Variants in PTPRM observed in about 807,000 individuals in gnomAD.
The protein encoded by PTPRM is receptor-type tyrosine-protein phosphatase mu.
In PTPRM, 47 loss-of-function variants were observed where a neutral mutation model predicts 186.7. The observed-to-expected ratio is 0.25, with a 90% CI of 0.20 to 0.32. PTPRM has a LOEUF of 0.32. PTPRM is among the 10% of genes least tolerant of loss of function. The probability of loss-of-function intolerance (pLI) is 1.00; values close to 1 mark genes in which losing one functional copy is unlikely to be tolerated. For synonymous variants in PTPRM, 668 were observed against 674.9 expected (o/e 0.99, Z 0.16); for missense variants, 1,494 against 1,865.0 (o/e 0.80, Z 3.66).
chr18:8,237,214 T>C (rs2094354809), intron 14 of PTPRM, among the ~76,000 whole-genome samples: 1 of 152,184 alleles, frequency 6.6e-6, no homozygotes, highest in Non-Finnish European at 1.5e-5. Flanking sequence ...GCTATAATCA[T>C]CAAATACTTT....
chr18:7,748,647 T>C (rs547975125), intron 1 of PTPRM, among the ~76,000 whole-genome samples: 1 of 152,224 alleles, frequency 6.6e-6, no homozygotes, highest in Non-Finnish European at 1.5e-5. Context: ...ATTTGAGTTT[T>C]CCTGCCCTCT....
intron 14 of PTPRM, among the ~76,000 whole-genome samples, chr18:8,187,522 A>G (rs1336023965): frequency 1.3e-5 from 2 of 152,130 alleles, no homozygotes; most frequent in African/African-American, 4.8e-5. Flanking sequence ...AGAAACCTCT[A>G]TTGTGTTTTA....
chr18:7,840,336 A>G (rs1193737231), intron 2 of PTPRM, among the ~76,000 whole-genome samples: 1 of 152,178 alleles, frequency 6.6e-6, no homozygotes, highest in Non-Finnish European at 1.5e-5. Flanking sequence ...TTTTTTCAAG[A>G]AAAAAGGTAT....
chr18:7,844,863 C>A (rs2046515287), intron 2 of PTPRM, among the ~76,000 whole-genome samples: 1 of 152,146 alleles, frequency 6.6e-6, no homozygotes, highest in Non-Finnish European at 1.5e-5. Context: ...CAGACTAATT[C>A]TCTTAAAAAT....
intron 1 of PTPRM, among the ~76,000 whole-genome samples, chr18:7,594,636 G>C (rs1166134871): frequency 6.6e-6 from 1 of 152,172 alleles, no homozygotes; most frequent in Non-Finnish European, 1.5e-5. Flanking sequence ...CTTTGTCTCA[G>C]AGAGAAACCA....
chr18:8,345,811 G>C (rs1197003190), intron 23 of PTPRM, among the ~76,000 whole-genome samples: 1 of 151,976 alleles, frequency 6.6e-6, no homozygotes, highest in African/African-American at 2.4e-5. Flanking sequence ...TAAAATTATA[G>C]GTGCCACACA....
chr18:8,276,622 T>G (rs539300074), intron 19 of PTPRM, among the ~76,000 whole-genome samples: 71 of 152,256 alleles, frequency 4.7e-4, no homozygotes, highest in Non-Finnish European at 9.4e-4. Context: ...CCAGCAGACA[T>G]GAGGAAACTA....
intron 14 of PTPRM, among the ~76,000 whole-genome samples, chr18:8,172,014 T>A (rs1435340370): frequency 6.6e-6 from 1 of 152,190 alleles, no homozygotes; most frequent in Non-Finnish European, 1.5e-5. Flanking sequence ...TTCTACTGAA[T>A]GCGGATAGCT....
At chr18:7,737,680 C>T (rs544118890) in intron 1 of PTPRM, among the ~76,000 whole-genome samples, 1 of 152,312 alleles carries the variant, frequency 6.6e-6, no homozygotes, top group East Asian at 1.9e-4. Flanking sequence ...GTGCCAGCCC[C>T]TGGTCTCCTG....
Position 8,065,653 on chromosome 18 carries a change from C to T in PTPRM, c.1133-4033C>T, listed in dbSNP as rs564524022. On this transcript the variant is annotated intron_variant, in intron 7 of 32. Coordinates refer to ENST00000580170, the MANE Select transcript of PTPRM (RefSeq NM_001105244.2). ...GTGAGTGTGAAGAAAAATGGCTTTG[C>T]TATCAATTCCATTCTCAGTAGCATC... Among the ~76,000 whole-genome samples, 6 of 152,248 alleles carry T rather than the reference C, an allele frequency of 3.9e-5. No individual in the cohort carries two copies. The East Asian group carries it at 1.2e-3, about 29-fold the overall frequency.
chr18:7,675,745 T>A (rs1243782429), intron 1 of PTPRM, among the ~76,000 whole-genome samples: 1 of 151,728 alleles, frequency 6.6e-6, no homozygotes. Context: ...AGCATTTTTT[T>A]TTTTTTTGAG....
chr18:8,309,800 C>G (rs1385185843), intron 20 of PTPRM, among the ~76,000 whole-genome samples: 1 of 152,214 alleles, frequency 6.6e-6, no homozygotes, highest in Non-Finnish European at 1.5e-5. Flanking sequence ...TCCCAAGTAG[C>G]TTGGTCTGCA....
At chr18:8,232,917 G>A (rs1016107731) in intron 14 of PTPRM, among the ~76,000 whole-genome samples, 4 of 152,178 alleles carry the variant, frequency 2.6e-5, no homozygotes, top group Non-Finnish European at 5.9e-5. Flanking sequence ...AAGGAGGGGG[G>A]TGGTGGTTGT....
At chr18:8,250,381 A>G (rs1188830119) in intron 17 of PTPRM, among the ~76,000 whole-genome samples, 4 of 152,186 alleles carry the variant, frequency 2.6e-5, no homozygotes, top group Admixed American at 1.3e-4. Context: ...CATAAAGAAT[A>G]TAAGTAGAAC....
intron 1 of PTPRM, among the ~76,000 whole-genome samples, chr18:7,624,884 G>A (rs986920399): frequency 2.0e-5 from 3 of 152,200 alleles, no homozygotes; most frequent in Non-Finnish European, 4.4e-5. Context: ...AGTGCTGGGC[G>A]TGTAGCAAGC....
intron 1 of PTPRM, among the ~76,000 whole-genome samples, chr18:7,729,750 T>C (rs1210159718): frequency 2.4e-4 from 36 of 152,180 alleles, no homozygotes; most frequent in Non-Finnish European, 1.9e-4. Context: ...CCTCAGTTAC[T>C]TCTATTTTTT....
intron 13 of PTPRM, among the ~76,000 whole-genome samples, chr18:8,125,996 TATATATATATATATATATATATATATA>T (rs1229299638): frequency 9.8e-4 from 13 of 13,232 alleles, no homozygotes; most frequent in East Asian, 2.1e-3. Context: ...TATATATATA[TATATATATATATATATATATATATATA>T]TATATTTTAA....
chr18:8,386,052 TTGTCCAGGC>T (rs1355035102), intron 30 of PTPRM, among the ~76,000 whole-genome samples: 1 of 152,052 alleles, frequency 6.6e-6, no homozygotes, highest in Non-Finnish European at 1.5e-5. Context: ...GACTGAGTTG[TTGTCCAGGC>T]TGCCCGTGTA....
At chr18:7,699,903 C>T (rs1453764928) in intron 1 of PTPRM, among the ~76,000 whole-genome samples, 1 of 152,118 alleles carries the variant, frequency 6.6e-6, no homozygotes, top group Admixed American at 6.5e-5. Flanking sequence ...GAGGTAGGAT[C>T]AAGCTGCCTT....
Sources: allele counts gnomAD v4.1 joint callset (sites outside exome capture counted in the v4.1 genomes callset), GRCh38; gene constraint gnomAD v4.1.1; transcripts MANE v1.5; gene names NCBI Gene and HGNC (gene_info 2026-07-23, HGNC 2026-07-21).